The following SH3BP2 variants were observed in gnomAD, a reference collection of about 807,000 sequenced individuals.
SH3BP2 encodes SH3 domain-binding protein 2.
In SH3BP2, 38 loss-of-function variants were observed where a neutral mutation model predicts 56.2. The observed-to-expected ratio is 0.68, with a 90% CI of 0.52 to 0.89. SH3BP2 has a LOEUF of 0.89. SH3BP2 is among the 40% of genes least tolerant of loss of function. The pLI is 0.00. For synonymous variants in SH3BP2, 346 were observed against 316.7 expected (o/e 1.09, Z -0.98); for missense variants, 748 against 762.6 (o/e 0.98, Z 0.23).
At chr4:2,818,568 T>C in intron 1 of SH3BP2, 1 of 497,902 alleles carries the variant, frequency 2.0e-6, no homozygotes, top group Non-Finnish European at 2.8e-6. Context: ...GATGGGGGAC[T>C]CAGGCCGGCA....
In SH3BP2 at chr4:2,810,410, G is replaced by A. The variant is rs1723697543; in HGVS notation, c.-4-10204G>A. ...TCTTCTGCTTGCTTCTGCCTCTGCC[G>A]AGTCTATGAGTGTGGGGCTTTTGGC... On this transcript the variant is annotated intron_variant, in intron 1 of 12. Coordinates refer to ENST00000503393, the MANE Select transcript of SH3BP2 (RefSeq NM_001122681.2). The surrounding 1 kb of genome is among the most constrained non-coding windows in gnomAD (Gnocchi z 4.2). Among the ~76,000 whole-genome samples the A allele has an allele frequency of 6.6e-6, 1 of 151,530 alleles. No individual in the cohort carries two copies. The highest frequency in any genetic ancestry group is 6.6e-5 in the Admixed American group (1 of 15,214).
intron 2 of SH3BP2, among the ~76,000 whole-genome samples, chr4:2,821,643 T>C (rs552011496): frequency 6.6e-6 from 1 of 152,248 alleles, no homozygotes; most frequent in Non-Finnish European, 1.5e-5. Context: ...CACTGCAGCC[T>C]CAACCTCCCA....
chr4:2,805,940 G>A (rs546177929), intron 1 of SH3BP2, among the ~76,000 whole-genome samples: 75 of 152,302 alleles, frequency 4.9e-4, no homozygotes, highest in African/African-American at 1.7e-3. Context: ...GCGGGGAGAC[G>A]CCTGTTCTGG....
At chr4:2,823,375 C>CTGAAG (rs1010900964) in intron 3 of SH3BP2, 6 of 476,822 alleles carry the variant, frequency 1.3e-5, no homozygotes, top group Non-Finnish European at 2.5e-5. Context: ...GCCCCTTCAC[C>CTGAAG]CACCATGACC....
At chr4:2,802,725 G>A (rs368822380) in intron 1 of SH3BP2, among the ~76,000 whole-genome samples, 16 of 139,556 alleles carry the variant, frequency 1.1e-4, no homozygotes, top group South Asian at 4.3e-4. Flanking sequence ...ACACACACAC[G>A]TAACGTTAGG....
chr4:2,800,555 C>CT (rs199749118), intron 1 of SH3BP2, among the ~76,000 whole-genome samples: 2 of 151,768 alleles, frequency 1.3e-5, no homozygotes, highest in Admixed American at 6.5e-5. Context: ...GACCGCCCCC[C>CT]CCCCGGGCTG....
chr4:2,796,241 A>G (rs1723057845), intron 1 of SH3BP2: 1 of 174,610 alleles, frequency 5.7e-6, no homozygotes, highest in African/African-American at 2.4e-5. Context: ...CTCATCCTTC[A>G]AGGGTGACGC....
rs569779502 is a variant in SH3BP2 at position 2,840,463 on chromosome 4, T to C, written c.*6629T>C. 1.3e-5 allele frequency: 2 copies of C among 152,308 alleles called. No homozygotes were observed. The highest frequency in any genetic ancestry group is 4.8e-5 in the African/African-American group (2 of 41,560). The allele number at this position is 152,308 out of a possible 1,614,324, so 9.4% of individuals were successfully genotyped here. A position where few individuals can be genotyped will look rare whatever the true frequency, so the allele number is the denominator to read the frequency against. Reference sequence around the variant, plus strand: ...TCCTATCATTGTTTGTAATCTAACTTTCTGCGCCCATCTGCAATGCCACCT... The same window carrying C: ...TCCTATCATTGTTTGTAATCTAACTCTCTGCGCCCATCTGCAATGCCACCT... On this transcript the variant is annotated 3_prime_UTR_variant, in exon 13 of 13. Transcript: ENST00000503393.
chr4:2,812,220 C>G, intron 1 of SH3BP2: 3 of 1,492,870 alleles, frequency 2.0e-6, no homozygotes, highest in Non-Finnish European at 2.7e-6. Context: ...GTGCCGGCTA[C>G]TTGGTGCTGC....
rs143129053 is a variant in SH3BP2 at position 2,830,057 on chromosome 4, G to A, written c.1151G>A (p.Arg384Gln). 3.1e-4 allele frequency: 505 copies of A among 1,611,748 alleles called. 1 individual carries two copies. Among genetic ancestry groups the A allele is most frequent in the Non-Finnish European group, 3.8e-4 (443 of 1,179,780 alleles). The change falls in exon 8 of 13, where the codon CGG (arginine) becomes CAG (glutamine). Residue 384 changes from arginine to glutamine, a missense_variant. Physicochemically the swap from Arg to Gln is conservative, Grantham distance 43. Transcript: ENST00000503393. ...PGLFVPPVAP[R>Q]PPALKLPVPE... The stretch of plus-strand genomic sequence containing the variant: ...CTCTTTGTGCCCCCCGTGGCTCCCC[G>A]GCCTCCTGCGCTGAAGCTGCCAGTG...
At chr4:2,824,803 T>C in intron 4 of SH3BP2, 73 bp downstream of exon 4, 2 of 1,176,368 alleles carry the variant, frequency 1.7e-6, no homozygotes, top group Non-Finnish European at 2.5e-6. Context: ...TGGACCTGCC[T>C]TGGGGGCTCG....
chr4:2,812,737 C>T (rs149021859), intron 1 of SH3BP2, among the ~76,000 whole-genome samples: 1 of 152,082 alleles, frequency 6.6e-6, no homozygotes, highest in African/African-American at 2.4e-5. Context: ...CCCCACCCCC[C>T]CATCACATGC....
intron 1 of SH3BP2, among the ~76,000 whole-genome samples, chr4:2,813,857 T>C (rs1293960728): frequency 1.3e-5 from 2 of 151,992 alleles, no homozygotes; most frequent in Non-Finnish European, 2.9e-5. Context: ...ATGGTGTGAG[T>C]GTTAACTGTA....
At position 2,829,886 on chromosome 4, in the gene SH3BP2, C is replaced by T; in HGVS notation, c.980C>T (p.Thr327Ile). 2 of 1,613,950 alleles carry T rather than the reference C, an allele frequency of 1.2e-6. No individual in the cohort carries two copies. The highest frequency in any genetic ancestry group is 1.7e-6 in the Non-Finnish European group (2 of 1,180,038). Residue 327 changes from threonine to isoleucine, a missense_variant, in exon 8 of 13, where the codon ACC (threonine) becomes ATC (isoleucine). Transcript: ENST00000503393. This position sits in a 1 kb window ranked among gnomAD's most constrained non-coding sequence, Gnocchi z 4.9. ...TSSAAIMATA[T>I]SRNCDKLKSF... ...AGTGCTGCCATCATGGCCACTGCCA[C>T]CTCCAGAAACTGTGACAAACTCAAG...
intron 8 of SH3BP2, among the ~76,000 whole-genome samples, chr4:2,830,733 C>T (rs1277507766): frequency 6.6e-6 from 1 of 152,236 alleles, no homozygotes. Context: ...CAGAGTTACG[C>T]CAATGGCTGT....
At chr4:2,801,863 T>G (rs1723294934) in intron 1 of SH3BP2, among the ~76,000 whole-genome samples, 1 of 152,198 alleles carries the variant, frequency 6.6e-6, no homozygotes, top group African/African-American at 2.4e-5. Context: ...ATCCCAGCAC[T>G]TTGGGAGGCC....
At position 2,831,631 on chromosome 4, in the gene SH3BP2, C is replaced by T. The variant is rs1364887486; in HGVS notation, c.1302C>T (p.Pro434=). 6.2e-7 allele frequency: 1 copy of T among 1,607,126 alleles called. No homozygotes were observed. The highest frequency in any genetic ancestry group is 1.3e-5 in the African/African-American group (1 of 74,760). ...RSFSFEKPRQ[P]SQADTGGDDS... Reference sequence around the variant, plus strand: ...TCTCCTTTGAAAAGCCCCGGCAACCCTCACAGGCTGACACTGGCGGGGACG... The same window carrying T: ...TCTCCTTTGAAAAGCCCCGGCAACCTTCACAGGCTGACACTGGCGGGGACG... Residue 434 remains proline, a synonymous_variant, in exon 9 of 13, where the codon CCC becomes CCT. Coordinates refer to ENST00000503393, the MANE Select transcript of SH3BP2 (RefSeq NM_001122681.2). The surrounding 1 kb of genome is among the most constrained non-coding windows in gnomAD (Gnocchi z 4.1).
chr4:2,811,985 C>A, intron 1 of SH3BP2: 5 of 319,332 alleles, frequency 1.6e-5, no homozygotes, highest in South Asian at 1.5e-4. Context: ...TCATGGTTTG[C>A]TAGGGAGAAG....
intron 1 of SH3BP2, chr4:2,793,816 T>A (rs965004894): frequency 1.3e-5 from 2 of 152,164 alleles, no homozygotes; most frequent in Non-Finnish European, 2.9e-5. Flanking sequence ...ATCTCAGGGG[T>A]GGCAGAGGGA....
Sources: gnomAD v4.1 joint callset for allele counts (sites outside exome capture counted in the v4.1 genomes callset) on GRCh38, gnomAD v4.1.1 for gene constraint, Gnocchi (gnomAD v3.1) non-coding constraint, MANE v1.5 for transcripts, NCBI Gene and HGNC (gene_info 2026-07-23, HGNC 2026-07-21) for gene names.